Variants in BCL6 observed in about 807,000 individuals in gnomAD.
BCL6 encodes the protein B-cell lymphoma 6 protein.
In BCL6, 7 loss-of-function variants were observed where a neutral mutation model predicts 59.5. That is an observed-to-expected ratio of 0.12 (90% CI 0.07 to 0.22). The LOEUF is 0.22. Among genes scored for constraint, BCL6 ranks in the 10% least tolerant of loss-of-function variants. The pLI is 1.00. For missense variants in BCL6, 685 were observed against 939.4 expected (o/e 0.73, Z 3.54); for synonymous variants, 339 against 349.7 (o/e 0.97, Z 0.34).
chr3:187,722,232 G>T lies in BCL6; in HGVS notation c.*226C>A. On this transcript the variant is annotated 3_prime_UTR_variant, in exon 10 of 10. Transcript: ENST00000406870. ...ATGGTTCACCTTACACATAGGAGAA[G>T]AAGCAATATGATTTTCTTAATGTTT... is the stretch of plus-strand genomic sequence containing the variant. 2 of 484,784 alleles carry T rather than the reference G, an allele frequency of 4.1e-6. No individual in the cohort carries two copies. Among genetic ancestry groups the T allele is most frequent in the Non-Finnish European group, 7.0e-6 (2 of 284,692 alleles). The allele number at this position is 484,784 out of a possible 1,614,324, so 30.0% of individuals were successfully genotyped here. A position where few individuals can be genotyped will look rare whatever the true frequency, so the allele number is the denominator to read the frequency against.
chr3:187,741,752 C>A (rs941787452), intron 1 of BCL6, among the ~76,000 whole-genome samples: 1 of 152,216 alleles, frequency 6.6e-6, no homozygotes, highest in Non-Finnish European at 1.5e-5. Context: ...TCCACGCCAT[C>A]CACAAACCTC....
In BCL6 at chr3:187,731,727, C is replaced by T. The variant is rs372779365; in HGVS notation, c.365G>A (p.Arg122Gln). The T allele has an allele frequency of 1.5e-5, 24 of 1,614,068 alleles. No homozygotes were observed. Among genetic ancestry groups the T allele is most frequent in the East Asian group, 8.9e-5 (4 of 44,868 alleles). ...AACTCACCTGGCCTTAATAAACTTC[C>T]GGCAAGTGTCCACAACATGCTCCAT... ...LQMEHVVDTC[R>Q]KFIKASEAEM... Residue 122 changes from arginine to glutamine, a missense_variant, in exon 4 of 10, where the codon CGG becomes CAG. Physicochemically the swap from Arg to Gln is conservative, Grantham distance 43. Around this residue, in one of 7 missense-constraint regions of BCL6, gnomAD observed 102 missense variants for 176.6 expected, o/e 0.58. Coordinates refer to ENST00000406870, the MANE Select transcript of BCL6 (RefSeq NM_001706.5).
rs3774306 is a variant in BCL6, at chr3:187,727,541, C to G, written c.1541-643G>C. Among the ~76,000 whole-genome samples, 4 of 152,124 alleles carry G rather than the reference C, an allele frequency of 2.6e-5. 1 individual carries two copies. The highest frequency in any genetic ancestry group is 2.1e-4 in the South Asian group (1 of 4,830). ...AAATCCTCCTGTGAGACTGGGAGAC[C>G]GAAGCTGATGGTGGAAGTGGGAACA... On this transcript the variant is annotated intron_variant, in intron 6 of 9. Transcript: ENST00000406870.
intron 6 of BCL6, among the ~76,000 whole-genome samples, chr3:187,728,052 A>C (rs1327013149): frequency 2.6e-5 from 4 of 152,202 alleles, no homozygotes; most frequent in Admixed American, 1.3e-4. Flanking sequence ...GTATAGAGGA[A>C]TGGAGAAAGC....
rs1718667071 is a variant in BCL6 at position 187,725,892 on chromosome 3, GA to G, written c.1709-264del. On this transcript the variant is annotated intron_variant, in intron 7 of 9. Transcript: ENST00000406870. The surrounding 1 kb of genome is among the most constrained non-coding windows in gnomAD (Gnocchi z 4.7). ...GGAGTAGCAACAATGCCAGGTGTGGGATAGGAGAGGGGGAGATTCCAGGAAG... is the reference window on the plus strand; with the variant it reads ...GGAGTAGCAACAATGCCAGGTGTGGGTAGGAGAGGGGGAGATTCCAGGAAG... Among the ~76,000 whole-genome samples the G allele has an allele frequency of 6.6e-6, 1 of 152,202 alleles. No individual in the cohort carries two copies. The highest frequency in any genetic ancestry group is 2.4e-5 in the African/African-American group (1 of 41,460).
chr3:187,723,442 AATTAT>A (rs1176441306), intron 9 of BCL6, among the ~76,000 whole-genome samples: 2 of 152,256 alleles, frequency 1.3e-5, no homozygotes, highest in Non-Finnish European at 2.9e-5. Flanking sequence ...TTTAGCTTAT[AATTAT>A]ATTATCAGTA....
intron 1 of BCL6, 36 bp downstream of exon 1, chr3:187,745,374 A>AGCAGCAGCAGCG: frequency 2.5e-6 from 1 of 402,454 alleles, no homozygotes. Context: ...CGGCGGCAGT[A>AGCAGCAGCAGCG]GCAGCAGCAG....
intron 3 of BCL6, 112 bp from the exon 4 acceptor site, chr3:187,732,042 G>T: frequency 3.6e-6 from 3 of 839,306 alleles, no homozygotes; most frequent in Non-Finnish European, 5.7e-6. Flanking sequence ...GAACTTCTAC[G>T]GTAATTAATA....
intron 3 of BCL6, 90 bp downstream of exon 3, chr3:187,733,443 C>T: frequency 6.9e-7 from 1 of 1,444,390 alleles, no homozygotes; most frequent in Non-Finnish European, 9.5e-7. Flanking sequence ...ATCCCAGATG[C>T]AGTAAAAGGC....
In BCL6 at chr3:187,721,814, C is replaced by T. The variant is rs981676408; in HGVS notation, c.*644G>A. The T allele has an allele frequency of 6.1e-5, 14 of 229,550 alleles. No individual in the cohort carries two copies. The highest frequency in any genetic ancestry group is 2.9e-4 in the African/African-American group (13 of 45,202). The allele number at this position is 229,550 out of a possible 1,614,324, so 14.2% of individuals were successfully genotyped here. A position where few individuals can be genotyped will look rare whatever the true frequency, so the allele number is the denominator to read the frequency against. On this transcript the variant is annotated 3_prime_UTR_variant, in exon 10 of 10. Coordinates refer to ENST00000406870, the MANE Select transcript of BCL6 (RefSeq NM_001706.5). This position sits in a 1 kb window ranked among gnomAD's most constrained non-coding sequence, Gnocchi z 4.2. Reference sequence around the variant, plus strand: ...TAGACAAAATATTTTCTTACTTATACAGATGCAATACTTAAAATATTCTCT... The same window carrying T: ...TAGACAAAATATTTTCTTACTTATATAGATGCAATACTTAAAATATTCTCT...
At chr3:187,728,664 C>T (rs1209943730) in intron 5 of BCL6, 120 bp from the exon 6 acceptor site, 6 of 984,478 alleles carry the variant, frequency 6.1e-6, no homozygotes, top group Non-Finnish European at 8.7e-6. Context: ...AGCTCTGAGA[C>T]CCCAGAGTTG....
rs751185760 is a variant in BCL6, at chr3:187,731,737, C to T, written c.355G>A (p.Asp119Asn). Residue 119 changes from aspartate (D) to asparagine (N), a missense_variant, in exon 4 of 10, where the codon GAC (aspartate) becomes AAC (asparagine). Asp to Asn is a conservative substitution (Grantham distance 23). Transcript: ENST00000406870. ...AMYLQMEHVV[D>N]TCRKFIKASE... is the part of the protein sequence containing the mutation. ...GCCTTAATAAACTTCCGGCAAGTGTCCACAACATGCTCCATCTGCAGGTAC... is the reference window on the plus strand; with the variant it reads ...GCCTTAATAAACTTCCGGCAAGTGTTCACAACATGCTCCATCTGCAGGTAC... 1 of 1,614,152 alleles carries T rather than the reference C, an allele frequency of 6.2e-7. No individual in the cohort carries two copies. The highest frequency in any genetic ancestry group is 1.1e-5 in the South Asian group (1 of 91,082).
chr3:187,739,926 C>A (rs1383975383), intron 1 of BCL6, among the ~76,000 whole-genome samples: 1 of 152,222 alleles, frequency 6.6e-6, no homozygotes, highest in Non-Finnish European at 1.5e-5. Context: ...CCTTGGAAAG[C>A]GATGAGTCAA....
intron 3 of BCL6, among the ~76,000 whole-genome samples, chr3:187,733,150 T>C (rs1719126987): frequency 6.6e-6 from 1 of 152,218 alleles, no homozygotes; most frequent in East Asian, 1.9e-4. Context: ...ATTTATAGCA[T>C]AAAAGAGCAA....
chr3:187,732,832 C>T (rs1719111644), intron 3 of BCL6, among the ~76,000 whole-genome samples: 1 of 152,148 alleles, frequency 6.6e-6, no homozygotes, highest in South Asian at 2.1e-4. Context: ...CTGTTATTTC[C>T]ACTATTAAAA....
chr3:187,741,302 T>C (rs892626538), intron 1 of BCL6, among the ~76,000 whole-genome samples: 1 of 152,260 alleles, frequency 6.6e-6, no homozygotes, highest in Middle Eastern at 3.4e-3. Context: ...AAGCTTTATG[T>C]ACTGGGAAGG....
At chr3:187,733,811 G>C (rs1164967886) in intron 2 of BCL6, 108 bp from the exon 3 acceptor site, 1 of 1,137,394 alleles carries the variant, frequency 8.8e-7, no homozygotes, top group African/African-American at 1.5e-5. Context: ...ATGCAACTCA[G>C]GTCCCTTGTA....
Position 187,729,911 on chromosome 3 carries a change from T to C in BCL6, c.494A>G (p.Asn165Ser), listed in dbSNP as rs756650083. 1.3e-5 allele frequency: 21 copies of C among 1,613,980 alleles called. No homozygotes were observed. The highest frequency in any genetic ancestry group is 1.7e-5 in the Admixed American group (1 of 59,982). ...AGGGGCGCTCCTCAGTGGCAGGTTG[T>C]TCTCCACCACCTCACGACCCCGATA... is the stretch of plus-strand genomic sequence containing the variant. Reference protein sequence around the residue: ...MAYRGREVVENNLPLRSAPGC... With the variant: ...MAYRGREVVESNLPLRSAPGC... The change falls in exon 5 of 10, where the codon AAC (asparagine) becomes AGC (serine). Residue 165 changes from asparagine (N) to serine (S), a missense_variant. By Grantham distance (46) the Asn-to-Ser change is conservative (BLOSUM62 1). Coordinates refer to ENST00000406870, the MANE Select transcript of BCL6 (RefSeq NM_001706.5). The surrounding 1 kb of genome is among the most constrained non-coding windows in gnomAD (Gnocchi z 5.6).
At chr3:187,734,556 C>T (rs888841601) in intron 2 of BCL6, 4 of 152,200 alleles carry the variant, frequency 2.6e-5, no homozygotes, top group Non-Finnish European at 4.4e-5. Context: ...ATCTCAGTCA[C>T]CATTGGTCTC....
Sources: allele counts gnomAD v4.1 joint callset (sites outside exome capture counted in the v4.1 genomes callset), GRCh38; gene constraint gnomAD v4.1.1; regional missense constraint gnomAD v4.1.1; non-coding constraint Gnocchi (gnomAD v3.1); transcripts MANE v1.5; gene names NCBI Gene and HGNC (gene_info 2026-07-23, HGNC 2026-07-21).